The following RIMS2 variants were observed in gnomAD, a reference collection of about 807,000 sequenced individuals.
RIMS2 encodes the protein regulating synaptic membrane exocytosis protein 2.
A neutral mutation model predicts 174.4 loss-of-function variants in RIMS2; 59 were observed. The ratio of observed to expected loss-of-function variants is 0.34; its 90% CI spans 0.27 to 0.42. The LOEUF is 0.42. Among genes scored for constraint, RIMS2 ranks in the 10% least tolerant of loss-of-function variants. The pLI is 1.00. For synonymous variants in RIMS2, 606 were observed against 572.5 expected (o/e 1.06, Z -0.84); for missense variants, 1,620 against 1,666.3 (o/e 0.97, Z 0.48).
At chr8:103,565,206 C>G (rs2092189760) in intron 1 of RIMS2, among the ~76,000 whole-genome samples, 1 of 152,188 alleles carries the variant, frequency 6.6e-6, no homozygotes, top group Non-Finnish European at 1.5e-5. Flanking sequence ...TTTATAAAAG[C>G]TGCCGTACAG....
chr8:103,769,062 C>CT (rs2098216826), intron 3 of RIMS2: 1 of 265,486 alleles, frequency 3.8e-6, no homozygotes, highest in Non-Finnish European at 7.6e-6. Context: ...TAAGATCAGA[C>CT]TAAAAAAAAA....
intron 19 of RIMS2, 115 bp from the exon 24 acceptor site, chr8:104,093,356 G>A (rs2097695860): frequency 1.5e-6 from 1 of 656,934 alleles, no homozygotes; most frequent in Non-Finnish European, 2.5e-6. Context: ...GCAACTGAGT[G>A]GGATTTTGCA....
At chr8:104,180,979 C>T (rs1043792581) in intron 19 of RIMS2, among the ~76,000 whole-genome samples, 19 of 151,496 alleles carry the variant, frequency 1.3e-4, no homozygotes, top group African/African-American at 2.2e-4. Context: ...CAGAGTTTCC[C>T]GAAGTGTATC....
At chr8:104,018,940 A>G (rs1038609801) in intron 19 of RIMS2, among the ~76,000 whole-genome samples, 32 of 152,112 alleles carry the variant, frequency 2.1e-4, no homozygotes, top group African/African-American at 7.0e-4. Context: ...TAAAGTCCCT[A>G]TTATGTTTAT....
At chr8:103,799,812 G>T (rs2098593526) in intron 3 of RIMS2, among the ~76,000 whole-genome samples, 1 of 151,408 alleles carries the variant, frequency 6.6e-6, no homozygotes, top group Non-Finnish European at 1.5e-5. Flanking sequence ...TTTGTCTGTT[G>T]TTTTTTTTAG....
intron 19 of RIMS2, among the ~76,000 whole-genome samples, chr8:104,025,621 TG>T (rs1402491131): frequency 5.9e-5 from 9 of 152,174 alleles, no homozygotes; most frequent in African/African-American, 2.2e-4. Flanking sequence ...ATTTTGTATT[TG>T]TGGCACAAAA....
intron 1 of RIMS2, among the ~76,000 whole-genome samples, chr8:103,577,016 C>T (rs915549742): frequency 6.6e-6 from 1 of 152,098 alleles, no homozygotes; most frequent in Non-Finnish European, 1.5e-5. Context: ...TAGGCATGGG[C>T]AAAGACTTTA....
At chr8:103,952,565 C>CT (rs2085754676) in intron 14 of RIMS2, among the ~76,000 whole-genome samples, 1 of 152,164 alleles carries the variant, frequency 6.6e-6, no homozygotes, top group Non-Finnish European at 1.5e-5. Context: ...ATAGTATTAA[C>CT]ATCAACAAAA....
At chr8:103,995,689 G>A (rs926864614) in intron 17 of RIMS2, among the ~76,000 whole-genome samples, 15 of 152,064 alleles carry the variant, frequency 9.9e-5, no homozygotes, top group African/African-American at 2.9e-4. Context: ...AACCAGTGAA[G>A]GATTTTTAGT....
chr8:103,611,835 C>T (rs1363133693), intron 1 of RIMS2, among the ~76,000 whole-genome samples: 1 of 151,956 alleles, frequency 6.6e-6, no homozygotes, highest in African/African-American at 2.4e-5. Context: ...TTGGGTAGTT[C>T]TCTGATATTA....
intron 1 of RIMS2, among the ~76,000 whole-genome samples, chr8:103,525,495 G>A (rs374667899): frequency 4.1e-4 from 63 of 152,242 alleles, no homozygotes; most frequent in African/African-American, 1.4e-3. Flanking sequence ...CACATTACAT[G>A]GAAAGAGGCA....
At chr8:103,692,820 G>A (rs951995879) in intron 1 of RIMS2, among the ~76,000 whole-genome samples, 29 of 152,272 alleles carry the variant, frequency 1.9e-4, no homozygotes, top group African/African-American at 7.0e-4. Context: ...TCAGAACTAT[G>A]AGCTCTGCTA....
At chr8:103,619,844 A>G (rs1307747047) in intron 1 of RIMS2, among the ~76,000 whole-genome samples, 1 of 152,138 alleles carries the variant, frequency 6.6e-6, no homozygotes, top group African/African-American at 2.4e-5. Context: ...AGAAAAGGCT[A>G]TGTATTTTTC....
At chr8:103,751,959 A>T (rs2097898899) in intron 2 of RIMS2, among the ~76,000 whole-genome samples, 2 of 152,016 alleles carry the variant, frequency 1.3e-5, no homozygotes, top group Non-Finnish European at 2.9e-5. Context: ...GTTTAATTAG[A>T]TCCCATTTGT....
At position 104,144,299 on chromosome 8, in the gene RIMS2, C is replaced by T. The variant is rs76031119; in HGVS notation, c.3335-100617C>T. On this transcript the variant is annotated intron_variant, in intron 19 of 23. Transcript: ENST00000504942. ...TCTAAAGCCAAAAATTAGAAATATG[C>T]ACAAAACAATATTTAGAAATGTAAA... 1.3e-3 allele frequency among the ~76,000 whole-genome samples: 191 copies of T among 152,186 alleles called. 1 individual carries two copies. The East Asian group carries it at 0.022, about 18-fold the overall frequency.
intron 19 of RIMS2, 60 bp downstream of exon 21, chr8:104,014,675 A>G (rs1307534078): frequency 1.0e-6 from 1 of 979,718 alleles, no homozygotes; most frequent in Non-Finnish European, 1.6e-6. Context: ...AGGTGAATCA[A>G]GATTTTCTTA....
intron 17 of RIMS2, among the ~76,000 whole-genome samples, chr8:103,995,153 A>T (rs2094998918): frequency 6.6e-6 from 1 of 152,102 alleles, no homozygotes; most frequent in East Asian, 1.9e-4. Context: ...TAATTATATG[A>T]ACCACTGCTC....
chr8:103,865,134 A>G (rs1162647876), intron 3 of RIMS2, among the ~76,000 whole-genome samples: 1 of 151,856 alleles, frequency 6.6e-6, no homozygotes, highest in Non-Finnish European at 1.5e-5. Flanking sequence ...TTTGGTAATA[A>G]TTTGTATTAT....
At chr8:103,574,548 C>T (rs763150167) in intron 1 of RIMS2, among the ~76,000 whole-genome samples, 2 of 152,192 alleles carry the variant, frequency 1.3e-5, no homozygotes, top group Non-Finnish European at 2.9e-5. Context: ...CCAAGAATGT[C>T]ATTCTCTGTC....
Sources: gnomAD v4.1 joint callset for allele counts (sites outside exome capture counted in the v4.1 genomes callset) on GRCh38, gnomAD v4.1.1 for gene constraint, MANE v1.5 for transcripts, NCBI Gene and HGNC (gene_info 2026-07-23, HGNC 2026-07-21) for gene names.